Variants in DMGDH observed in about 807,000 individuals in gnomAD.
The protein encoded by DMGDH is dimethylglycine dehydrogenase.
A neutral mutation model predicts 95.2 loss-of-function variants in DMGDH; 76 were observed. The ratio of observed to expected loss-of-function variants is 0.80; its 90% CI spans 0.66 to 0.97. The LOEUF (loss-of-function observed/expected upper bound fraction) is 0.97. Ranked by LOEUF, DMGDH falls within the 50% of genes least tolerant of loss-of-function variation. DMGDH has a pLI of 0.00. For synonymous variants in DMGDH, 345 were observed against 377.6 expected (o/e 0.91, Z 1.00); for missense variants, 987 against 1,055.0 (o/e 0.94, Z 0.89).
intron 15 of DMGDH, chr5:79,000,336 TA>T: frequency 1.5e-6 from 1 of 667,830 alleles, no homozygotes; most frequent in Non-Finnish European, 2.8e-6. Flanking sequence ...CACAATCCTG[TA>T]AGAAGGTCTG....
intron 5 of DMGDH, among the ~76,000 whole-genome samples, chr5:79,044,922 A>G (rs1282309730): frequency 1.3e-5 from 2 of 152,226 alleles, no homozygotes; most frequent in Non-Finnish European, 2.9e-5. Context: ...AAGACTGCCC[A>G]TATTTGTGGA....
At chr5:79,011,336 A>C (rs1046992371) in intron 14 of DMGDH, among the ~76,000 whole-genome samples, 3 of 152,242 alleles carry the variant, frequency 2.0e-5, no homozygotes, top group Admixed American at 6.5e-5. Context: ...CAACAAAGTG[A>C]GTTAGCACCA....
intron 15 of DMGDH, among the ~76,000 whole-genome samples, chr5:79,005,002 A>G (rs1403552874): frequency 6.6e-6 from 1 of 152,200 alleles, no homozygotes; most frequent in Non-Finnish European, 1.5e-5. Flanking sequence ...TCTAAATCAT[A>G]TCCTTCTCAT....
At chr5:79,000,594 T>A in intron 15 of DMGDH, 1 of 609,108 alleles carries the variant, frequency 1.6e-6, no homozygotes, top group Non-Finnish European at 3.2e-6. Flanking sequence ...CTGGCTGACA[T>A]GCAAAAATGA....
chr5:79,011,852 C>A (rs1192451277), intron 14 of DMGDH, among the ~76,000 whole-genome samples: 1 of 151,064 alleles, frequency 6.6e-6, no homozygotes, highest in African/African-American at 2.5e-5. Flanking sequence ...GAGAAATCTG[C>A]CCCCATGATC....
intron 14 of DMGDH, among the ~76,000 whole-genome samples, chr5:79,015,262 G>T (rs1036157908): frequency 6.6e-6 from 1 of 152,060 alleles, no homozygotes; most frequent in African/African-American, 2.4e-5. Flanking sequence ...CTTCTAAATA[G>T]CACTCATTGC....
At chr5:79,016,202 C>A (rs1489904133) in intron 14 of DMGDH, among the ~76,000 whole-genome samples, 2 of 150,660 alleles carry the variant, frequency 1.3e-5, no homozygotes, top group African/African-American at 4.9e-5. Context: ...CGCGCCACTG[C>A]ACTCCAGCCT....
rs1754247065 is a variant in DMGDH at position 79,033,316 on chromosome 5, G to C, written c.1286C>G (p.Pro429Arg). Reference sequence around the variant, plus strand: ...TGTTGTCCATTTGCCATAGCGATTAGGATCCAATTCTATCAGATCAAAAGG... The same window carrying C: ...TGTTGTCCATTTGCCATAGCGATTACGATCCAATTCTATCAGATCAAAAGG... ...EPPFDLIELD[P>R]NRYGKWTTTQ... The change falls in exon 8 of 16, where the codon CCT becomes CGT. Residue 429 changes from proline (P) to arginine (R), a missense_variant. Physicochemically the swap from Pro to Arg is moderately radical, Grantham distance 103. Coordinates refer to ENST00000255189, the MANE Select transcript of DMGDH (RefSeq NM_013391.3). 6 of 1,613,992 alleles carry C rather than the reference G, an allele frequency of 3.7e-6. No individual in the cohort carries two copies. The highest frequency in any genetic ancestry group is 5.1e-6 in the Non-Finnish European group (6 of 1,180,032).
chr5:79,056,851 T>C (rs951206108), intron 2 of DMGDH, among the ~76,000 whole-genome samples: 1 of 152,058 alleles, frequency 6.6e-6, no homozygotes, highest in Non-Finnish European at 1.5e-5. Flanking sequence ...TGAGACTCTG[T>C]CTCAAAAAAG....
intron 7 of DMGDH, 100 bp from the exon 8 acceptor site, chr5:79,033,508 GTGCTA>G: frequency 5.1e-6 from 7 of 1,383,778 alleles, no homozygotes; most frequent in Non-Finnish European, 7.1e-6. Flanking sequence ...GGACTGTTCT[GTGCTA>G]ATCAGAACAC....
intron 5 of DMGDH, among the ~76,000 whole-genome samples, chr5:79,050,398 T>A (rs926172276): frequency 6.6e-6 from 1 of 151,620 alleles, no homozygotes; most frequent in Non-Finnish European, 1.5e-5. Flanking sequence ...TAATAAAGAT[T>A]GTTTTCATTT....
intron 14 of DMGDH, among the ~76,000 whole-genome samples, chr5:79,009,229 AAATTAGG>A (rs1233648764): frequency 6.6e-6 from 1 of 152,210 alleles, no homozygotes; most frequent in African/African-American, 2.4e-5. Flanking sequence ...GTATATCCCT[AAATTAGG>A]AATTAGGTCT....
Position 79,030,988 on chromosome 5 carries a change from G to A in DMGDH, c.1528C>T (p.Arg510Cys), listed in dbSNP as rs769817556. The A allele has an allele frequency of 1.6e-5, 26 of 1,614,120 alleles. No homozygotes were observed. Among genetic ancestry groups the A allele is most frequent in the South Asian group, 9.9e-5 (9 of 91,076 alleles). Residue 510 changes from arginine to cysteine, a missense_variant, in exon 10 of 16, where the codon CGC (arginine) becomes TGC (cysteine). Coordinates refer to ENST00000255189, the MANE Select transcript of DMGDH (RefSeq NM_013391.3). Reference protein sequence around the residue: ...GQDTQYRPSFRRTNWFEPVGS... With the variant: ...GQDTQYRPSFCRTNWFEPVGS... ...ACAGGCTCAAACCAGTTTGTGCGGCGAAAACTTGGCCTGAAACACAACATT... is the reference window on the plus strand; with the variant it reads ...ACAGGCTCAAACCAGTTTGTGCGGCAAAAACTTGGCCTGAAACACAACATT...
At chr5:79,056,064 AC>A (rs1270282468) in intron 2 of DMGDH, among the ~76,000 whole-genome samples, 156 bp from the exon 3 acceptor site, 1 of 152,238 alleles carries the variant, frequency 6.6e-6, no homozygotes, top group Non-Finnish European at 1.5e-5. Context: ...GTTTGAGCAC[AC>A]CAGAGCATAA....
At chr5:79,054,395 G>C in intron 3 of DMGDH, 47 bp from the exon 4 acceptor site, 4 of 1,574,370 alleles carry the variant, frequency 2.5e-6, no homozygotes, top group Non-Finnish European at 3.5e-6. Context: ...TCATTGTTTG[G>C]TACTCAAACA....
chr5:79,019,121 G>C (rs1412326967), intron 14 of DMGDH, among the ~76,000 whole-genome samples: 1 of 152,140 alleles, frequency 6.6e-6, no homozygotes, highest in Non-Finnish European at 1.5e-5. Context: ...TAGGATTTTA[G>C]ACTTGCAAAA....
rs145210456 is a variant in DMGDH, at chr5:79,036,995, C to T, written c.1194-3587G>A. Among the ~76,000 whole-genome samples the T allele has an allele frequency of 1.4e-4, 21 of 152,048 alleles. No homozygotes were observed. In the East Asian group the frequency reaches 4.1e-3, roughly 29 times the overall value. ...GTTAGTGTCCTTCTATGAGGAGACA[C>T]CAGAGAGCTTGCTTTCTCTCCACAC... is the stretch of plus-strand genomic sequence containing the variant. On this transcript the variant is annotated intron_variant, in intron 7 of 15. Transcript: ENST00000255189.
At chr5:79,027,840 C>CTTTTT (rs771037679) in intron 12 of DMGDH, among the ~76,000 whole-genome samples, 2 of 109,456 alleles carry the variant, frequency 1.8e-5, no homozygotes, top group East Asian at 2.4e-4. Context: ...CCCCACTTTT[C>CTTTTT]TTTTTTTTTT....
chr5:79,067,726 C>T (rs1006125109), intron 1 of DMGDH, among the ~76,000 whole-genome samples: 1 of 151,942 alleles, frequency 6.6e-6, no homozygotes, highest in Non-Finnish European at 1.5e-5. Flanking sequence ...TGAATGTAGT[C>T]GAGGATGTTT....
Sources: allele counts gnomAD v4.1 joint callset (sites outside exome capture counted in the v4.1 genomes callset), GRCh38; gene constraint gnomAD v4.1.1; transcripts MANE v1.5; gene names NCBI Gene and HGNC (gene_info 2026-07-23, HGNC 2026-07-21).